Variants in NRG1 observed in about 807,000 individuals in gnomAD.
NRG1 encodes the protein neuregulin 1.
A neutral mutation model predicts 63.8 loss-of-function variants in NRG1; 18 were observed. The ratio of observed to expected loss-of-function variants is 0.28; its 90% CI spans 0.19 to 0.42. The LOEUF (loss-of-function observed/expected upper bound fraction) is 0.42. Among genes scored for constraint, NRG1 ranks in the 10% least tolerant of loss-of-function variants. The pLI, the probability that NRG1 is intolerant of heterozygous loss-of-function variation, is 1.00. For synonymous variants in NRG1, 302 were observed against 301.3 expected (o/e 1.00, Z -0.02); for missense variants, 762 against 814.7 (o/e 0.94, Z 0.79).
At chr8:31,824,147 C>T (rs1477101163) in intron 1 of NRG1, among the ~76,000 whole-genome samples, 1 of 151,392 alleles carries the variant, frequency 6.6e-6, no homozygotes, top group African/African-American at 2.4e-5. Flanking sequence ...AGGTATATCT[C>T]CTAATGCTAT....
intron 1 of NRG1, among the ~76,000 whole-genome samples, chr8:32,485,191 C>T (rs549922251): frequency 4.4e-4 from 66 of 151,590 alleles, no homozygotes; most frequent in African/African-American, 1.5e-3. Flanking sequence ...CTTGGCTCAC[C>T]GCAACCTCTG....
intron 1 of NRG1, among the ~76,000 whole-genome samples, chr8:32,074,454 A>T (rs961963625): frequency 1.3e-5 from 2 of 152,198 alleles, no homozygotes; most frequent in Non-Finnish European, 2.9e-5. Context: ...ATCAAAGGAT[A>T]TGGTTTGATA....
At chr8:32,447,764 A>G (rs555121535) in intron 1 of NRG1, among the ~76,000 whole-genome samples, 5 of 151,822 alleles carry the variant, frequency 3.3e-5, no homozygotes, top group Admixed American at 2.0e-4. Context: ...TTCCAGCTAC[A>G]TGGAGGGCTG....
chr8:32,071,206 G>A (rs909600153), intron 1 of NRG1, among the ~76,000 whole-genome samples: 9 of 152,156 alleles, frequency 5.9e-5, no homozygotes, highest in African/African-American at 2.2e-4. Context: ...CTTATCTGTT[G>A]TGTGTTCACC....
At chr8:32,044,902 A>G (rs1468806226) in intron 1 of NRG1, among the ~76,000 whole-genome samples, 1 of 132,324 alleles carries the variant, frequency 7.6e-6, no homozygotes, top group Non-Finnish European at 1.6e-5. Context: ...AAGAACTTAC[A>G]TAAAGAAAAG....
chr8:31,927,640 G>A (rs2129619633), intron 1 of NRG1, among the ~76,000 whole-genome samples: 1 of 148,640 alleles, frequency 6.7e-6, no homozygotes, highest in East Asian at 2.0e-4. Flanking sequence ...AGTAGAGACG[G>A]GGTTTCACCG....
At chr8:32,162,462 T>A (rs919482615) in intron 1 of NRG1, among the ~76,000 whole-genome samples, 3 of 152,172 alleles carry the variant, frequency 2.0e-5, no homozygotes, top group Non-Finnish European at 2.9e-5. Context: ...AGACTCATGG[T>A]GTAATCATTG....
intron 1 of NRG1, among the ~76,000 whole-genome samples, chr8:31,707,393 G>A (rs1811253932): frequency 6.6e-6 from 1 of 152,022 alleles, no homozygotes; most frequent in Non-Finnish European, 1.5e-5. Flanking sequence ...GGGACTATAT[G>A]TTTTAACATC....
chr8:32,549,110 C>T (rs751456590), intron 1 of NRG1, among the ~76,000 whole-genome samples: 4 of 152,224 alleles, frequency 2.6e-5, no homozygotes, highest in Non-Finnish European at 5.9e-5. Context: ...CCTGGCACGG[C>T]CCCTCCCCAG....
At chr8:31,689,744 T>C (rs1809299210) in intron 1 of NRG1, among the ~76,000 whole-genome samples, 1 of 152,240 alleles carries the variant, frequency 6.6e-6, no homozygotes, top group Admixed American at 6.5e-5. Context: ...ATTTGGGATA[T>C]ATAAATTGAT....
At chr8:32,576,571 A>C (rs1484959855) in intron 1 of NRG1, among the ~76,000 whole-genome samples, 1 of 152,082 alleles carries the variant, frequency 6.6e-6, no homozygotes, top group Admixed American at 6.5e-5. Flanking sequence ...ACAAAACAAA[A>C]CATTTTTACT....
At chr8:32,418,144 A>T (rs953826092) in intron 1 of NRG1, among the ~76,000 whole-genome samples, 5 of 152,132 alleles carry the variant, frequency 3.3e-5, no homozygotes, top group African/African-American at 1.2e-4. Context: ...TATAATTCTC[A>T]ACTATATTAC....
chr8:32,337,718 A>G (rs5010057), intron 1 of NRG1, among the ~76,000 whole-genome samples: 73,375 of 141,604 alleles, frequency 0.52, 20,166 homozygotes, highest in Non-Finnish European at 0.61. Context: ...CTGAGCTATT[A>G]AGAAAAACAC....
rs149649812 is a variant in NRG1, at chr8:31,942,208, A to G, written c.37+302777A>G. Among the ~76,000 whole-genome samples, 281 of 152,334 alleles carry G rather than the reference A, an allele frequency of 1.8e-3. 6 individuals carry two copies. The Middle Eastern group carries it at 0.02, about 11-fold the overall frequency. ...AAATAGGTGCATAGACCAATGGAAC[A>G]GAATAGAGAACCCAGAAATAAACCC... On this transcript the variant is annotated intron_variant, in intron 1 of 10. Transcript: ENST00000519301.
At chr8:32,357,022 T>C (rs1256942492) in intron 1 of NRG1, among the ~76,000 whole-genome samples, 2 of 152,328 alleles carry the variant, frequency 1.3e-5, no homozygotes, top group Middle Eastern at 3.4e-3. Flanking sequence ...AGTGATCTCA[T>C]AGGCATGTTT....
intron 1 of NRG1, among the ~76,000 whole-genome samples, chr8:32,102,699 T>C (rs1830729699): frequency 6.6e-6 from 1 of 152,114 alleles, no homozygotes; most frequent in Admixed American, 6.6e-5. Context: ...ACCAAGGACA[T>C]TGGATTGAAT....
At chr8:32,764,121 A>G (rs374200576) in exon 12 of NRG1, 43 of 1,614,006 alleles carry the variant, frequency 2.7e-5, no homozygotes, top group Middle Eastern at 1.6e-4. Flanking sequence ...CCGGCGGGCC[A>G]AAAGAACCAA....
intron 1 of NRG1, among the ~76,000 whole-genome samples, chr8:32,122,889 T>G (rs1248367816): frequency 6.6e-6 from 1 of 151,856 alleles, no homozygotes; most frequent in African/African-American, 2.4e-5. Context: ...GTTTTTTGTC[T>G]TTGCGATAGT....
chr8:32,363,442 G>GA (rs1807503471), intron 1 of NRG1, among the ~76,000 whole-genome samples: 1 of 152,116 alleles, frequency 6.6e-6, no homozygotes, highest in African/African-American at 2.4e-5. Context: ...TGGTATACGG[G>GA]TATTAAAATA....
Sources: gnomAD v4.1 joint callset for allele counts (sites outside exome capture counted in the v4.1 genomes callset) on GRCh38, gnomAD v4.1.1 for gene constraint, MANE v1.5 for transcripts, NCBI Gene and HGNC (gene_info 2026-07-23, HGNC 2026-07-21) for gene names.